LRP1B: variants seen among roughly 807,000 people sequenced by gnomAD.
LRP1B encodes the protein low-density lipoprotein receptor-related protein 1B.
A neutral mutation model predicts 556.6 loss-of-function variants in LRP1B; 217 were observed. The ratio of observed to expected loss-of-function variants is 0.39; its 90% confidence interval spans 0.35 to 0.44. The LOEUF is 0.44. Among genes scored for constraint, LRP1B ranks in the 20% least tolerant of loss-of-function variants. The pLI, the probability that LRP1B is intolerant of heterozygous loss-of-function variation, is 1.00. For missense variants in LRP1B, 5,053 were observed against 5,620.8 expected (o/e 0.90, Z 3.23); for synonymous variants, 2,047 against 1,865.8 (o/e 1.10, Z -2.50).
chr2:140,364,730 GT>G lies in LRP1B; in HGVS notation c.11061del (p.Lys3687AsnfsTer69). 2 of 1,610,200 alleles carry G rather than the reference GT, an allele frequency of 1.2e-6. No individual in the cohort carries two copies. Among genetic ancestry groups the G allele is most frequent in the Non-Finnish European group, 1.7e-6 (2 of 1,177,414 alleles). ...DEFLCNNSLC[K>X]LHFWVCDGED... The stretch of plus-strand genomic sequence containing the variant: ...TCTCCATCACACACCCAGAAATGTA[GT>G]TTGCAGAGAGAATTATTGCAAAGGA... On this transcript the variant is annotated frameshift_variant, in exon 72 of 91. Coordinates refer to ENST00000389484, the MANE Select transcript of LRP1B (RefSeq NM_018557.3). LOFTEE classifies it high-confidence loss of function.
At chr2:141,000,858 C>T (rs1697398326) in intron 15 of LRP1B, among the ~76,000 whole-genome samples, 1 of 151,842 alleles carries the variant, frequency 6.6e-6, no homozygotes, top group Admixed American at 6.6e-5. Flanking sequence ...CTCATCTTTT[C>T]CCTGTAGTCT....
chr2:140,793,919 T>C (rs915410215), intron 32 of LRP1B, among the ~76,000 whole-genome samples: 1 of 152,136 alleles, frequency 6.6e-6, no homozygotes, highest in Non-Finnish European at 1.5e-5. Flanking sequence ...TGTTATGTTT[T>C]ATACGTAAAT....
intron 1 of LRP1B, among the ~76,000 whole-genome samples, chr2:141,848,484 C>A (rs1005790085): frequency 6.7e-6 from 1 of 149,528 alleles, no homozygotes; most frequent in African/African-American, 2.4e-5. Flanking sequence ...CTAGGAGACT[C>A]TATAAATAAT....
intron 89 of LRP1B, among the ~76,000 whole-genome samples, chr2:140,236,907 A>G (rs1308658986): frequency 1.3e-5 from 2 of 150,962 alleles, no homozygotes; most frequent in African/African-American, 4.8e-5. Flanking sequence ...TACATGAATT[A>G]TACATATTTA....
chr2:140,393,146 ATT>A (rs5834743), intron 66 of LRP1B, among the ~76,000 whole-genome samples: 96 of 146,114 alleles, frequency 6.6e-4, no homozygotes, highest in Admixed American at 8.9e-4. Flanking sequence ...CCCATTCTAC[ATT>A]TTTTTTTTTT....
intron 3 of LRP1B, among the ~76,000 whole-genome samples, chr2:141,298,207 T>C (rs1239923599): frequency 6.6e-6 from 1 of 152,182 alleles, no homozygotes; most frequent in African/African-American, 2.4e-5. Flanking sequence ...CAAATGACTA[T>C]AGAAAGTGTT....
rs189553078 is a variant in LRP1B, at chr2:141,659,475, C to T, written c.205+150804G>A. ...GAAGACAACATTTTGCAGTTAGACT[C>T]AATGTACTGTAGTCAGTGAAGAAAA... On this transcript the variant is annotated intron_variant, in intron 2 of 90. Coordinates refer to ENST00000389484, the MANE Select transcript of LRP1B (RefSeq NM_018557.3). 2.0e-5 allele frequency among the ~76,000 whole-genome samples: 3 copies of T among 152,098 alleles called. No homozygotes were observed. In the East Asian group the frequency reaches 5.8e-4, roughly 29 times the overall value.
chr2:140,494,766 T>C (rs1688845796), intron 56 of LRP1B, among the ~76,000 whole-genome samples: 1 of 152,072 alleles, frequency 6.6e-6, no homozygotes, highest in Non-Finnish European at 1.5e-5. Flanking sequence ...TATTTTAAAA[T>C]TAATATCTCT....
chr2:141,928,997 TAGAC>T (rs1201821817), intron 1 of LRP1B, among the ~76,000 whole-genome samples: 1 of 152,084 alleles, frequency 6.6e-6, no homozygotes, highest in Non-Finnish European at 1.5e-5. Flanking sequence ...TGTTGAGAAA[TAGAC>T]AGCTGCCTTA....
chr2:140,376,974 C>A (rs534213756), intron 68 of LRP1B, among the ~76,000 whole-genome samples: 4 of 152,188 alleles, frequency 2.6e-5, no homozygotes, highest in Admixed American at 2.6e-4. Flanking sequence ...GGTCAGCGGG[C>A]GGGCATTCAT....
intron 68 of LRP1B, among the ~76,000 whole-genome samples, chr2:140,375,005 A>C (rs1683158944): frequency 6.6e-6 from 1 of 152,074 alleles, no homozygotes; most frequent in East Asian, 1.9e-4. Context: ...TTTAAATGCC[A>C]TTTACTACTT....
intron 2 of LRP1B, among the ~76,000 whole-genome samples, chr2:141,728,193 C>T (rs1693118399): frequency 1.3e-5 from 2 of 152,128 alleles, no homozygotes; most frequent in Admixed American, 6.6e-5. Flanking sequence ...GCAAAGGTCA[C>T]CTCAGTTCTC....
intron 84 of LRP1B, among the ~76,000 whole-genome samples, chr2:140,281,119 TTC>T (rs1382615168): frequency 3.3e-5 from 5 of 151,894 alleles, no homozygotes; most frequent in Non-Finnish European, 5.9e-5. Flanking sequence ...CTCTTTTTCT[TTC>T]TCTTTTAATG....
chr2:141,159,398 T>C (rs1292672623), intron 7 of LRP1B, among the ~76,000 whole-genome samples: 3 of 152,060 alleles, frequency 2.0e-5, no homozygotes, highest in African/African-American at 7.2e-5. Flanking sequence ...TTTTTGTTTT[T>C]TTGTTTGTTT....
intron 1 of LRP1B, among the ~76,000 whole-genome samples, chr2:142,100,649 G>T (rs1706538565): frequency 1.3e-5 from 2 of 151,940 alleles, no homozygotes; most frequent in Non-Finnish European, 2.9e-5. Context: ...TAAAACAAGT[G>T]AAGATAATTG....
At chr2:140,957,358 A>G (rs1237867312) in intron 18 of LRP1B, among the ~76,000 whole-genome samples, 3 of 151,608 alleles carry the variant, frequency 2.0e-5, no homozygotes, top group Non-Finnish European at 4.4e-5. Flanking sequence ...AAAGAATTTT[A>G]GAAAGGTTGC....
Position 141,634,747 on chromosome 2 carries a change from CT to C in LRP1B, c.206-154215del, listed in dbSNP as rs540236725. ...TGAAATTCTTAAACTGGTTATTTACCTTTTTAGACTATTGACAGGATTTTAG... is the reference window on the plus strand; with the variant it reads ...TGAAATTCTTAAACTGGTTATTTACCTTTTAGACTATTGACAGGATTTTAG... On this transcript the variant is annotated intron_variant, in intron 2 of 90. Coordinates refer to ENST00000389484, the MANE Select transcript of LRP1B (RefSeq NM_018557.3). Among the ~76,000 whole-genome samples, 39 of 151,756 alleles carry C rather than the reference CT, an allele frequency of 2.6e-4. No homozygotes were observed. The South Asian group carries it at 6.4e-3, about 25-fold the overall frequency.
intron 20 of LRP1B, among the ~76,000 whole-genome samples, chr2:140,947,515 T>C (rs538593982): frequency 6.6e-6 from 1 of 152,226 alleles, no homozygotes; most frequent in Non-Finnish European, 1.5e-5. Context: ...CTGAATTATA[T>C]GACTAATCAA....
At chr2:141,536,552 T>C (rs1235151127) in intron 2 of LRP1B, among the ~76,000 whole-genome samples, 1 of 152,024 alleles carries the variant, frequency 6.6e-6, no homozygotes, top group Non-Finnish European at 1.5e-5. Flanking sequence ...AGGTTATCAA[T>C]AAAATAATAC....
Sources: allele counts gnomAD v4.1 joint callset (sites outside exome capture counted in the v4.1 genomes callset), GRCh38; gene constraint gnomAD v4.1.1; transcripts MANE v1.5; gene names NCBI Gene and HGNC (gene_info 2026-07-23, HGNC 2026-07-21).